The following POU6F2 variants were observed in gnomAD, a reference collection of about 807,000 sequenced individuals.
The protein encoded by POU6F2 is POU domain, class 6, transcription factor 2.
POU6F2 carries 31 observed loss-of-function variants against 71.3 expected under a neutral mutation model. The ratio of observed to expected loss-of-function variants is 0.43; its 90% CI spans 0.33 to 0.59. The LOEUF (loss-of-function observed/expected upper bound fraction) is 0.59. Among genes scored for constraint, POU6F2 ranks in the 20% least tolerant of loss-of-function variants. The pLI is 0.04. For synonymous variants in POU6F2, 347 were observed against 355.7 expected (o/e 0.98, Z 0.27); for missense variants, 783 against 856.8 (o/e 0.91, Z 1.07).
At chr7:39,152,959 T>A (rs2128734755) in intron 2 of POU6F2, among the ~76,000 whole-genome samples, 1 of 152,312 alleles carries the variant, frequency 6.6e-6, no homozygotes, top group South Asian at 2.1e-4. Flanking sequence ...GGAGATCTTC[T>A]GTTCCCAGGC....
rs754357293 is a variant in POU6F2, at chr7:39,339,745, G to A, written c.702G>A (p.Pro234=). ...CTCCCCCGTCAACCAACCAGCACCC[G>A]CAACCAGCCCCACAGGCGCCCTCGC... is the stretch of plus-strand genomic sequence containing the variant. ...QQPPPSTNQH[P]QPAPQAPSQS... Residue 234 remains proline (P), a synonymous_variant, in exon 5 of 10, where the codon CCG becomes CCA. Transcript: ENST00000518318. 25 of 1,600,668 alleles carry A rather than the reference G, an allele frequency of 1.6e-5. No individual in the cohort carries two copies. The highest frequency in any genetic ancestry group is 4.0e-5 in the African/African-American group (3 of 74,650).
At chr7:39,195,760 A>G (rs771535207) in intron 2 of POU6F2, among the ~76,000 whole-genome samples, 13 of 151,918 alleles carry the variant, frequency 8.6e-5, no homozygotes, top group Non-Finnish European at 1.8e-4. Context: ...CACAAATCAG[A>G]ATGTTTTAGA....
chr7:39,276,140 G>T lies in POU6F2; in HGVS notation c.599-63502G>T, dbSNP rs935398911. Among the ~76,000 whole-genome samples, 10 of 151,766 alleles carry T rather than the reference G, an allele frequency of 6.6e-5. No homozygotes were observed. In the East Asian group the frequency reaches 9.7e-4, roughly 15 times the overall value. ...AACCAGAAAATGGGAGAAAATTTTC[G>T]CAACCTACTCATCTGACAAAGGGCT... On this transcript the variant is annotated intron_variant, in intron 4 of 9. Transcript: ENST00000518318.
intron 1 of POU6F2, among the ~76,000 whole-genome samples, chr7:39,025,722 T>G (rs1169831417): frequency 6.6e-6 from 1 of 150,546 alleles, no homozygotes; most frequent in Non-Finnish European, 1.5e-5. Context: ...CCAAAAGCAA[T>G]GGCAACAAAA....
At chr7:39,289,517 C>A (rs1387160734) in intron 4 of POU6F2, among the ~76,000 whole-genome samples, 1 of 151,642 alleles carries the variant, frequency 6.6e-6, no homozygotes, top group Non-Finnish European at 1.5e-5. Context: ...TTGTCAAGGT[C>A]TTTTAGTATT....
At chr7:39,309,750 A>T (rs1785124485) in intron 4 of POU6F2, among the ~76,000 whole-genome samples, 2 of 152,344 alleles carry the variant, frequency 1.3e-5, no homozygotes, top group South Asian at 4.1e-4. Context: ...AGTTGGTGAC[A>T]TGACATAGAA....
intron 4 of POU6F2, among the ~76,000 whole-genome samples, chr7:39,267,718 C>A (rs1295449750): frequency 6.6e-6 from 1 of 152,082 alleles, no homozygotes; most frequent in African/African-American, 2.4e-5. Flanking sequence ...GATCCTCCCA[C>A]TTCAGCCTCC....
intron 7 of POU6F2, among the ~76,000 whole-genome samples, chr7:39,444,244 C>T (rs3819419): frequency 0.33 from 50,532 of 151,998 alleles, 9,337 homozygotes; most frequent in East Asian, 0.58. Context: ...CACAGTATTA[C>T]ATCAGAAATC....
At chr7:39,029,144 T>G (rs1789884065) in intron 1 of POU6F2, among the ~76,000 whole-genome samples, 1 of 152,108 alleles carries the variant, frequency 6.6e-6, no homozygotes. Context: ...TAACACAAAT[T>G]TTTCAACTTT....
chr7:39,089,954 G>A (rs751247238), intron 2 of POU6F2, among the ~76,000 whole-genome samples: 5 of 151,852 alleles, frequency 3.3e-5, no homozygotes, highest in East Asian at 3.9e-4. Context: ...CTCGGTGGCC[G>A]GCTTCTCAGT....
intron 6 of POU6F2, among the ~76,000 whole-genome samples, chr7:39,416,119 C>CACACAA (rs1554352039): frequency 4.6e-5 from 7 of 151,946 alleles, no homozygotes; most frequent in Admixed American, 3.9e-4. Context: ...CACACACACA[C>CACACAA]ACACACACAC....
intron 1 of POU6F2, among the ~76,000 whole-genome samples, chr7:39,032,478 A>T (rs1355797565): frequency 6.6e-6 from 1 of 152,230 alleles, no homozygotes; most frequent in African/African-American, 2.4e-5. Flanking sequence ...GCACACATTG[A>T]TCACACCTGT....
rs753930640 is a variant in POU6F2, at chr7:39,406,606, A to G, written c.979A>G (p.Asn327Asp). The G allele has an allele frequency of 6.2e-7, 1 of 1,613,044 alleles. No individual in the cohort carries two copies. The highest frequency in any genetic ancestry group is 8.5e-7 in the Non-Finnish European group (1 of 1,179,760). The change falls in exon 6 of 10, where the codon AAT (asparagine) becomes GAT (aspartate). Residue 327 changes from asparagine (N) to aspartate (D), a missense_variant. Asn to Asp is a conservative substitution (Grantham distance 23, BLOSUM62 1). This residue lies in a region of POU6F2 where 572 missense variants were observed against 572.9 expected (regional missense o/e 1.00). Coordinates refer to ENST00000518318, the MANE Select transcript of POU6F2 (RefSeq NM_001370959.1). ...LTPPNPLQLV[N>D]NPLASQAAAA... ...ATCTTTTCTCTCTTTGCAGCTGGTT[A>G]ATAATCCACTAGCAAGTCAGGCTGC... is the stretch of plus-strand genomic sequence containing the variant.
At chr7:39,449,991 T>C (rs151171434) in intron 7 of POU6F2, among the ~76,000 whole-genome samples, 1 of 152,288 alleles carries the variant, frequency 6.6e-6, no homozygotes, top group African/African-American at 2.4e-5. Context: ...GGGAACATTG[T>C]GGAATGATGA....
chr7:39,266,256 G>A (rs565595188), intron 4 of POU6F2, among the ~76,000 whole-genome samples: 3 of 152,256 alleles, frequency 2.0e-5, no homozygotes, highest in South Asian at 2.1e-4. Context: ...TATTGGAGGC[G>A]GAGGATATCC....
chr7:39,125,584 T>A (rs1163862748), intron 2 of POU6F2, among the ~76,000 whole-genome samples: 4 of 152,172 alleles, frequency 2.6e-5, no homozygotes, highest in Non-Finnish European at 1.5e-5. Flanking sequence ...ATTTCTGGAT[T>A]TTCTAGTCTC....
chr7:39,016,899 G>T (rs1470271823), intron 1 of POU6F2, among the ~76,000 whole-genome samples: 1 of 152,194 alleles, frequency 6.6e-6, no homozygotes, highest in Non-Finnish European at 1.5e-5. Context: ...GAGAGCAAGA[G>T]GAGTGTAAAT....
intron 4 of POU6F2, among the ~76,000 whole-genome samples, chr7:39,292,680 A>G (rs553930846): frequency 6.6e-6 from 1 of 152,188 alleles, no homozygotes; most frequent in Non-Finnish European, 1.5e-5. Flanking sequence ...ACATAAGCTG[A>G]CCATGGGGAG....
At chr7:39,027,327 T>C (rs1183595036) in intron 1 of POU6F2, among the ~76,000 whole-genome samples, 1 of 152,162 alleles carries the variant, frequency 6.6e-6, no homozygotes, top group Non-Finnish European at 1.5e-5. Context: ...TTAAAAACAC[T>C]CACTAGGCTT....
Sources: allele counts gnomAD v4.1 joint callset (sites outside exome capture counted in the v4.1 genomes callset), GRCh38; gene constraint gnomAD v4.1.1; regional missense constraint gnomAD v4.1.1; transcripts MANE v1.5; gene names NCBI Gene and HGNC (gene_info 2026-07-23, HGNC 2026-07-21).